CLDN16: variants seen among roughly 807,000 people sequenced by gnomAD.
CLDN16 encodes the protein claudin-16.
A neutral mutation model predicts 24.6 loss-of-function variants in CLDN16; 13 were observed. The ratio of observed to expected loss-of-function variants is 0.53; its 90% CI spans 0.34 to 0.84. The LOEUF (loss-of-function observed/expected upper bound fraction) is 0.84. CLDN16 is among the 40% of genes least tolerant of loss of function. CLDN16 has a pLI of 0.01. For synonymous variants in CLDN16, 116 were observed against 106.7 expected (o/e 1.09, Z -0.54); for missense variants, 298 against 292.7 (o/e 1.02, Z -0.13).
the CLDN16 span, chr3:190,308,310 T>C: frequency 1.2e-6 from 2 of 1,613,704 alleles, no homozygotes; most frequent in Non-Finnish European, 1.7e-6. Flanking sequence ...AAGGTGCAGG[T>C]TTTGGATAGG....
Position 190,338,812 on chromosome 3 carries a change from G to T in CLDN16, n.121+16151G>T, listed in dbSNP as rs1270086044. Among the ~76,000 whole-genome samples, 3 of 152,232 alleles carry T rather than the reference G, an allele frequency of 2.0e-5. No individual in the cohort carries two copies. The East Asian group carries it at 5.8e-4, about 29-fold the overall frequency. On this transcript the variant is annotated intron_variant and non_coding_transcript_variant, in intron 1 of 4. Coordinates refer to the CLDN16 transcript ENST00000468220. ...ATAGGAAGAACTTATTGTGAGAAGT[G>T]AATGGATTTGAGAAGTGTGAGTGGC... is the stretch of plus-strand genomic sequence containing the variant.
chr3:190,337,794 A>C (rs902814082), intron 1 of CLDN16, among the ~76,000 whole-genome samples: 9 of 152,172 alleles, frequency 5.9e-5, no homozygotes, highest in Admixed American at 5.2e-4. Context: ...TCACAGAGAG[A>C]GATATTGGAT....
chr3:190,401,719 T>C (rs1351325725), intron 1 of CLDN16, among the ~76,000 whole-genome samples: 1 of 152,218 alleles, frequency 6.6e-6, no homozygotes, highest in Non-Finnish European at 1.5e-5. Flanking sequence ...TTACATCCTT[T>C]ACATAGCTTA....
intron 1 of CLDN16, among the ~76,000 whole-genome samples, chr3:190,327,518 C>A (rs941468495): frequency 3.3e-5 from 5 of 152,190 alleles, no homozygotes; most frequent in African/African-American, 9.7e-5. Flanking sequence ...ACTATCAACA[C>A]AGATGAGAAA....
chr3:190,305,714 A>T, the CLDN16 span: 1 of 152,158 alleles, frequency 6.6e-6, no homozygotes, highest in Non-Finnish European at 1.5e-5. Flanking sequence ...TCCTTTTTTT[A>T]AATTAAAAAA....
the CLDN16 span, chr3:190,312,844 G>T: frequency 6.2e-7 from 1 of 1,612,298 alleles, no homozygotes; most frequent in South Asian, 1.1e-5. Flanking sequence ...AGGTTAGTAA[G>T]GTGAAAGGGG....
chr3:190,399,467 G>A lies in CLDN16; in HGVS notation c.115-2870G>A, dbSNP rs749349525. ...GTGGAGGTTGCCGTGAGCCGATCGC[G>A]CCATTGCACTCCAGCCTGGGGAAAA... On this transcript the variant is annotated intron_variant, in intron 1 of 4. Transcript: ENST00000264734. Among the ~76,000 whole-genome samples, 5 of 152,214 alleles carry A rather than the reference G, an allele frequency of 3.3e-5. No homozygotes were observed. The East Asian group carries it at 5.8e-4, about 18-fold the overall frequency.
intron 1 of CLDN16, 57 bp downstream of exon 1, chr3:190,388,500 C>T: frequency 7.1e-7 from 1 of 1,408,926 alleles, no homozygotes; most frequent in Non-Finnish European, 1.0e-6. Flanking sequence ...TTCGCTAAGT[C>T]CCAACTGCCA....
At chr3:190,293,254 C>T in the CLDN16 span, among the ~76,000 whole-genome samples, 1 of 152,180 alleles carries the variant, frequency 6.6e-6, no homozygotes. Flanking sequence ...AGAACACTCA[C>T]TATCACAAGA....
At chr3:190,326,595 G>A (rs1161015941) in intron 1 of CLDN16, among the ~76,000 whole-genome samples, 3 of 152,186 alleles carry the variant, frequency 2.0e-5, no homozygotes, top group African/African-American at 7.2e-5. Context: ...TGTGATATCA[G>A]ATGACTCCCA....
intron 1 of CLDN16, among the ~76,000 whole-genome samples, chr3:190,336,458 C>T (rs1420081884): frequency 6.6e-6 from 1 of 152,104 alleles, no homozygotes; most frequent in African/African-American, 2.4e-5. Flanking sequence ...TTGTATACTA[C>T]CATTAAAAAA....
chr3:190,336,294 T>G (rs3909578), intron 1 of CLDN16, among the ~76,000 whole-genome samples: 19,691 of 152,156 alleles, frequency 0.13, 1,439 homozygotes, highest in Middle Eastern at 0.23. Flanking sequence ...GGTAAGACTC[T>G]GGATGCCATA....
rs753542626 is a variant in CLDN16 at position 190,404,838 on chromosome 3, T to C, written c.294T>C (p.Leu98=). ...GGTTTGGATTTCTCACCCTGCTCCT[T>C]GGTCTTGACTGCGTGAAATTCCTCC... ...LAGFGFLTLL[L]GLDCVKFLPD... Residue 98 remains leucine (L), a synonymous_variant, in exon 3 of 5, where the codon CTT becomes CTC. Transcript: ENST00000264734. 3.1e-6 allele frequency: 5 copies of C among 1,614,174 alleles called. No individual in the cohort carries two copies. In the East Asian group the frequency reaches 1.1e-4, roughly 36 times the overall value.
At position 190,409,887 on chromosome 3, in the gene CLDN16, T is replaced by C. The variant is rs760662699; in HGVS notation, c.575-16T>C. On this transcript the variant is annotated splice_polypyrimidine_tract_variant and intron_variant, in intron 4 of 4. Coordinates refer to ENST00000264734, the MANE Select transcript of CLDN16 (RefSeq NM_006580.4). Reference sequence around the variant, plus strand: ...GTTCACTGAGTTCTACTTATTTTTATATTTCTTTCAAACAGATGTTGGACC... The same window carrying C: ...GTTCACTGAGTTCTACTTATTTTTACATTTCTTTCAAACAGATGTTGGACC... The C allele has an allele frequency of 1.9e-6, 3 of 1,612,760 alleles. No homozygotes were observed. The highest frequency in any genetic ancestry group is 2.7e-5 in the African/African-American group (2 of 74,894).
the CLDN16 span, among the ~76,000 whole-genome samples, chr3:190,301,651 T>G: frequency 6.6e-6 from 1 of 152,326 alleles, no homozygotes; most frequent in South Asian, 2.1e-4. Flanking sequence ...AGCTTTGGAA[T>G]CATTTTTGAC....
At chr3:190,356,712 C>T (rs1412676234) in intron 1 of CLDN16, among the ~76,000 whole-genome samples, 2 of 151,746 alleles carry the variant, frequency 1.3e-5, no homozygotes, top group Non-Finnish European at 2.9e-5. Flanking sequence ...TTATCTTTCC[C>T]TTATACCATA....
rs142169289 is a variant in CLDN16, at chr3:190,389,463, T to C, written c.114+1020T>C. 4.5e-3 allele frequency among the ~76,000 whole-genome samples: 684 copies of C among 152,348 alleles called. 11 individuals are homozygous for C. In the South Asian group the frequency reaches 0.055, roughly 12 times the overall value. On this transcript the variant is annotated intron_variant, in intron 1 of 4. Transcript: ENST00000264734. ...TAATTTTCTTTATTAAACTCTCAAATTGGAGTTCCAAATGGAAAGTAATAA... is the reference window on the plus strand; with the variant it reads ...TAATTTTCTTTATTAAACTCTCAAACTGGAGTTCCAAATGGAAAGTAATAA...
chr3:190,315,379 A>T, the CLDN16 span, among the ~76,000 whole-genome samples: 15 of 152,156 alleles, frequency 9.9e-5, no homozygotes, highest in Admixed American at 9.2e-4. Flanking sequence ...ACGCAGGATG[A>T]TAGGATGTGC....
At chr3:190,404,411 C>T (rs747714800) in intron 2 of CLDN16, among the ~76,000 whole-genome samples, 26 of 152,116 alleles carry the variant, frequency 1.7e-4, no homozygotes, top group Non-Finnish European at 3.1e-4. Context: ...ATGCTACCTT[C>T]GATTCAGCAA....
Sources: gnomAD v4.1 joint callset for allele counts (sites outside exome capture counted in the v4.1 genomes callset) on GRCh38, gnomAD v4.1.1 for gene constraint, MANE v1.5 for transcripts, NCBI Gene and HGNC (gene_info 2026-07-23, HGNC 2026-07-21) for gene names.